The following PBOV1 variants were observed in gnomAD, a reference collection of about 807,000 sequenced individuals.
The protein encoded by PBOV1 is prostate and breast cancer overexpressed 1.
For missense variants in PBOV1, 147 were observed against 151.4 expected, an observed-to-expected ratio of 0.97 and a Z score of 0.15; for synonymous variants, 46 against 55.9, an observed-to-expected ratio of 0.82 and a Z score of 0.79.
chr6:138,218,265 AC>A, the PBOV1 span: 11 of 1,609,326 alleles, frequency 6.8e-6, no homozygotes, highest in Non-Finnish European at 7.6e-6. Flanking sequence ...TGGTAAGAGC[AC>A]AGTTTCTGGA....
chr6:138,218,461 A>T lies in PBOV1; in HGVS notation c.-66T>A. ...AGAATAATTTTGTAAATTATTATAC[A>T]TCAATTAGCCACCTCGATATATTTA... On this transcript the variant is annotated 5_prime_UTR_variant, in exon 1 of 1. The change abolishes an upstream ATG in the 5' untranslated region. Coordinates refer to ENST00000527246, the MANE Select transcript of PBOV1 (RefSeq NM_021635.3). 6.8e-7 allele frequency: 1 copy of T among 1,463,990 alleles called. No individual in the cohort carries two copies. Among genetic ancestry groups the T allele is most frequent in the Non-Finnish European group, 9.0e-7 (1 of 1,109,716 alleles). 90.7% of individuals were successfully genotyped at this position (1,463,990 alleles called of 1,614,324 possible). A position where few individuals can be genotyped will look rare whatever the true frequency, so the allele number is the denominator to read the frequency against.
chr6:138,218,431 A>G lies in PBOV1; in HGVS notation c.-36T>C, dbSNP rs1777916623. The G allele has an allele frequency of 1.3e-6, 2 of 1,488,022 alleles. No individual in the cohort carries two copies. Among genetic ancestry groups the G allele is most frequent in the East Asian group, 2.5e-5 (1 of 40,358 alleles). 92.2% of individuals were successfully genotyped at this position (1,488,022 alleles called of 1,614,324 possible). On this transcript the variant is annotated 5_prime_UTR_variant, in exon 1 of 1. The change abolishes an upstream ATG in the 5' untranslated region. Transcript: ENST00000527246. ...GTAAATTGAATTGTAGCTCTGTAGCATAGAAGAATAATTTTGTAAATTATT... is the reference window on the plus strand; with the variant it reads ...GTAAATTGAATTGTAGCTCTGTAGCGTAGAAGAATAATTTTGTAAATTATT...
In PBOV1 at chr6:138,216,634, C is replaced by G. The variant is rs1392901625; in HGVS notation, c.*1354G>C. On this transcript the variant is annotated 3_prime_UTR_variant, in exon 1 of 1. Coordinates refer to ENST00000527246, the MANE Select transcript of PBOV1 (RefSeq NM_021635.3). ...GAGTTCCTTTTGGAAAGAATGTGAT[C>G]ATTAGTGAAGTTTGAGAGTGAAATG... is the stretch of plus-strand genomic sequence containing the variant. The G allele has an allele frequency of 6.6e-6, 1 of 152,118 alleles. No homozygotes were observed. Among genetic ancestry groups the G allele is most frequent in the East Asian group, 1.9e-4 (1 of 5,192 alleles). The allele number at this position is 152,118 out of a possible 1,614,324, so 9.4% of individuals were successfully genotyped here. A position where few individuals can be genotyped will look rare whatever the true frequency, so the allele number is the denominator to read the frequency against.
rs1255802881 is a variant in PBOV1 at position 138,217,977 on chromosome 6, G to A, written c.*11C>T. On this transcript the variant is annotated 3_prime_UTR_variant, in exon 1 of 1. Transcript: ENST00000527246. ...ATTTTTCTGGAAAGGCTTTGCAGCA[G>A]GGCTGAGAGTTTATATGATCTGTGG... 2.5e-6 allele frequency: 4 copies of A among 1,589,006 alleles called. No homozygotes were observed. Among genetic ancestry groups the A allele is most frequent in the Non-Finnish European group, 3.4e-6 (4 of 1,166,148 alleles).
rs572649917 is a variant in PBOV1 at position 138,217,308 on chromosome 6, A to G, written c.*680T>C. The G allele has an allele frequency of 2.0e-5, 3 of 152,344 alleles. No homozygotes were observed. The South Asian group carries it at 6.2e-4, about 32-fold the overall frequency. The allele number at this position is 152,344 out of a possible 1,614,324, so 9.4% of individuals were successfully genotyped here. A position where few individuals can be genotyped will look rare whatever the true frequency, so the allele number is the denominator to read the frequency against. ...TGGATGTTCTATAGATCCAAACAGA[A>G]TGGGAAAGTTCTCTGATTTTTTAAT... On this transcript the variant is annotated 3_prime_UTR_variant, in exon 1 of 1. Transcript: ENST00000527246.
In PBOV1 at chr6:138,217,951, T is replaced by C. The variant is rs755887488; in HGVS notation, c.*37A>G. Reference sequence around the variant, plus strand: ...GCAGAATTGCCTTTTCAACCATTTTTATTTTTCTGGAAAGGCTTTGCAGCA... The same window carrying C: ...GCAGAATTGCCTTTTCAACCATTTTCATTTTTCTGGAAAGGCTTTGCAGCA... On this transcript the variant is annotated 3_prime_UTR_variant, in exon 1 of 1. Transcript: ENST00000527246. 1 of 1,550,620 alleles carries C rather than the reference T, an allele frequency of 6.4e-7. No homozygotes were observed. The highest frequency in any genetic ancestry group is 1.3e-5 in the South Asian group (1 of 79,090).
rs974542134 is a variant in PBOV1, at chr6:138,217,802, G to A, written c.*186C>T. ...TAATAATCTATGAGTTCAAGATTGA[G>A]AAAGATCAACATGGGTTTGTATTTT... On this transcript the variant is annotated 3_prime_UTR_variant, in exon 1 of 1. Coordinates refer to ENST00000527246, the MANE Select transcript of PBOV1 (RefSeq NM_021635.3). 10 of 840,096 alleles carry A rather than the reference G, an allele frequency of 1.2e-5. No homozygotes were observed. The African/African-American group carries it at 1.5e-4, about 13-fold the overall frequency. The allele number at this position is 840,096 out of a possible 1,614,324, so 52.0% of individuals were successfully genotyped here.
rs748917115 is a variant in PBOV1 at position 138,218,064 on chromosome 6, A to G, written c.332T>C (p.Leu111Ser). The G allele has an allele frequency of 6.2e-7, 1 of 1,613,934 alleles. No homozygotes were observed. Among genetic ancestry groups the G allele is most frequent in the South Asian group, 1.1e-5 (1 of 91,072 alleles). The change falls in exon 1 of 1, where the codon TTG (leucine) becomes TCG (serine). Residue 111 changes from leucine (L) to serine (S), a missense_variant. Coordinates refer to ENST00000527246, the MANE Select transcript of PBOV1 (RefSeq NM_021635.3). ...SSEAILFTLT[L>S]QLTQTLGLEC... ...CAGACCTAGGGTCTGAGTTAACTGC[A>G]AAGTCAATGTGAATAATATGGCTTC...
chr6:138,218,327 TC>T, the PBOV1 span: 1 of 1,560,882 alleles, frequency 6.4e-7, no homozygotes, highest in East Asian at 2.4e-5. Flanking sequence ...GCCTCAATTT[TC>T]TGATCTGTAA....
chr6:138,217,956 T>C lies in PBOV1; in HGVS notation c.*32A>G. ...ATTGCCTTTTCAACCATTTTTATTT[T>C]TCTGGAAAGGCTTTGCAGCAGGGCT... is the stretch of plus-strand genomic sequence containing the variant. On this transcript the variant is annotated 3_prime_UTR_variant, in exon 1 of 1. Coordinates refer to ENST00000527246, the MANE Select transcript of PBOV1 (RefSeq NM_021635.3). The C allele has an allele frequency of 6.4e-7, 1 of 1,552,964 alleles. No homozygotes were observed. Among genetic ancestry groups the C allele is most frequent in the South Asian group, 1.3e-5 (1 of 79,854 alleles).
chr6:138,217,236 A>G lies in PBOV1; in HGVS notation c.*752T>C, dbSNP rs1438268335. ...AGTGTCTTTAAACTTTTCTCACATA[A>G]TCTTAATTTAAGCGCATATAAATGC... On this transcript the variant is annotated 3_prime_UTR_variant, in exon 1 of 1. Transcript: ENST00000527246. 6.6e-6 allele frequency: 1 copy of G among 152,206 alleles called. No individual in the cohort carries two copies. Among genetic ancestry groups the G allele is most frequent in the African/African-American group, 2.4e-5 (1 of 41,456 alleles). The allele number at this position is 152,206 out of a possible 1,614,324, so 9.4% of individuals were successfully genotyped here.
At position 138,218,246 on chromosome 6, in the gene PBOV1, G is replaced by A. The variant is rs1393881462; in HGVS notation, c.150C>T (p.Tyr50=). ...APETVLLPFC[Y]KVFRKKEKVK... is the part of the protein sequence containing the mutation. The stretch of plus-strand genomic sequence containing the variant: ...CTTTTTCTTTTTTTCGAAATACCTT[G>A]TAGCAGAATGGTAAGAGCACAGTTT... The change falls in exon 1 of 1, where the codon TAC becomes TAT. Residue 50 remains tyrosine (Y), a synonymous_variant. Transcript: ENST00000527246. The A allele has an allele frequency of 1.2e-6, 2 of 1,612,614 alleles. No homozygotes were observed. Among genetic ancestry groups the A allele is most frequent in the Non-Finnish European group, 1.7e-6 (2 of 1,179,202 alleles).
In PBOV1 at chr6:138,216,295, C is replaced by A. The variant is rs9402958; in HGVS notation, c.*1693G>T. ...GGCCGGGGTATTTTTATATAACAAA[C>A]GCCTAGTAAACATCTATAGAAAATA... On this transcript the variant is annotated 3_prime_UTR_variant, in exon 1 of 1. Coordinates refer to ENST00000527246, the MANE Select transcript of PBOV1 (RefSeq NM_021635.3). 0.11 allele frequency: 16,937 copies of A among 152,120 alleles called. 1,286 individuals are homozygous for A. The highest frequency in any genetic ancestry group is 0.36 in the East Asian group (1,859 of 5,166). 9.4% of individuals were successfully genotyped at this position (152,120 alleles called of 1,614,324 possible). A position where few individuals can be genotyped will look rare whatever the true frequency, so the allele number is the denominator to read the frequency against.
At position 138,217,709 on chromosome 6, in the gene PBOV1, A is replaced by T; in HGVS notation, c.*279T>A. The T allele has an allele frequency of 2.9e-6, 1 of 348,456 alleles. No individual in the cohort carries two copies. 21.6% of individuals were successfully genotyped at this position (348,456 alleles called of 1,614,324 possible). On this transcript the variant is annotated 3_prime_UTR_variant, in exon 1 of 1. Coordinates refer to ENST00000527246, the MANE Select transcript of PBOV1 (RefSeq NM_021635.3). ...AGTTTAGTTATTGACTAATGGAGAGACAGAAACACATGTGGTAGTTTTTAA... is the reference window on the plus strand; with the variant it reads ...AGTTTAGTTATTGACTAATGGAGAGTCAGAAACACATGTGGTAGTTTTTAA...
In PBOV1 at chr6:138,217,110, A is replaced by G. The variant is rs1439223759; in HGVS notation, c.*878T>C. Reference sequence around the variant, plus strand: ...GATGTGATTTTCCTTTAAATAGTTTATGCATTATTTTTGAGATGGAGATTT... The same window carrying G: ...GATGTGATTTTCCTTTAAATAGTTTGTGCATTATTTTTGAGATGGAGATTT... On this transcript the variant is annotated 3_prime_UTR_variant, in exon 1 of 1. Transcript: ENST00000527246. 6.6e-6 allele frequency: 1 copy of G among 152,246 alleles called. No individual in the cohort carries two copies. The highest frequency in any genetic ancestry group is 6.5e-5 in the Admixed American group (1 of 15,284). 9.4% of individuals were successfully genotyped at this position (152,246 alleles called of 1,614,324 possible).
At position 138,217,132 on chromosome 6, in the gene PBOV1, A is replaced by AT. The variant is rs1311642741; in HGVS notation, c.*855dup. On this transcript the variant is annotated 3_prime_UTR_variant, in exon 1 of 1. Transcript: ENST00000527246. The stretch of plus-strand genomic sequence containing the variant: ...TTTATGCATTATTTTTGAGATGGAG[A>AT]TTTTCATATTATCTATTAATATCTT... The AT allele has an allele frequency of 3.9e-5, 6 of 152,098 alleles. No individual in the cohort carries two copies. The highest frequency in any genetic ancestry group is 1.4e-4 in the African/African-American group (6 of 41,400). The allele number at this position is 152,098 out of a possible 1,614,324, so 9.4% of individuals were successfully genotyped here.
chr6:138,218,391 C>T lies in PBOV1; in HGVS notation c.5G>A (p.Arg2Lys), dbSNP rs1777915566. 6.5e-7 allele frequency: 1 copy of T among 1,534,930 alleles called. No homozygotes were observed. The highest frequency in any genetic ancestry group is 8.8e-7 in the Non-Finnish European group (1 of 1,139,886). Residue 2 changes from arginine (R) to lysine (K), a missense_variant, in exon 1 of 1, where the codon AGG (arginine) becomes AAG (lysine). By Grantham distance (26) the Arg-to-Lys change is conservative. Transcript: ENST00000527246. M[R>K]AFLRNQKYED... Reference sequence around the variant, plus strand: ...ATATTTCTGGTTCCTTAAGAAGGCCCTCATATTTACTACTGTAAATTGAAT... The same window carrying T: ...ATATTTCTGGTTCCTTAAGAAGGCCTTCATATTTACTACTGTAAATTGAAT...
In PBOV1 at chr6:138,217,659, G is replaced by T; in HGVS notation, c.*329C>A. 4.2e-6 allele frequency: 1 copy of T among 235,874 alleles called. No individual in the cohort carries two copies. The highest frequency in any genetic ancestry group is 9.5e-5 in the East Asian group (1 of 10,480). 14.6% of individuals were successfully genotyped at this position (235,874 alleles called of 1,614,324 possible). ...CCTCTGGTGCCTAGCGGAGCATCTG[G>T]CACATGGCTTACTAATTGCTCGTTA... On this transcript the variant is annotated 3_prime_UTR_variant, in exon 1 of 1. Coordinates refer to ENST00000527246, the MANE Select transcript of PBOV1 (RefSeq NM_021635.3).
chr6:138,218,298 G>A lies in PBOV1; in HGVS notation c.98C>T (p.Pro33Leu). 6.3e-7 allele frequency: 1 copy of A among 1,584,956 alleles called. No individual in the cohort carries two copies. The highest frequency in any genetic ancestry group is 8.6e-7 in the Non-Finnish European group (1 of 1,164,590). The change falls in exon 1 of 1, where the codon CCA becomes CTA. Residue 33 changes from proline (P) to leucine (L), a missense_variant. By Grantham distance (98) the Pro-to-Leu change is moderately conservative. Coordinates refer to ENST00000527246, the MANE Select transcript of PBOV1 (RefSeq NM_021635.3). Reference protein sequence around the residue: ...RKLRHRLSNFPRLPGILAPET... With the variant: ...RKLRHRLSNFLRLPGILAPET... ...TGGAGCTAGAATGCCTGGTAGCCTT[G>A]GGAAGTTACTTAATCTGTGCCTCAA...
Sources: allele counts gnomAD v4.1 joint callset, GRCh38; gene constraint gnomAD v4.1.1; transcripts MANE v1.5; gene names NCBI Gene and HGNC (gene_info 2026-07-23, HGNC 2026-07-21).